Variants in COL24A1 observed in about 807,000 individuals in gnomAD.
COL24A1 encodes collagen alpha-1(XXIV) chain.
In COL24A1, 224 loss-of-function variants were observed where a neutral mutation model predicts 253.9. The observed-to-expected ratio is 0.88, with a 90% confidence interval of 0.79 to 0.99. The LOEUF (loss-of-function observed/expected upper bound fraction) is 0.99, where lower values mean the gene tolerates loss of function less well. COL24A1 is among the 50% of genes least tolerant of loss of function. The pLI, the probability that COL24A1 is intolerant of heterozygous loss-of-function variation, is 0.00. For missense variants in COL24A1, 2,131 were observed against 2,068.5 expected, an observed-to-expected ratio of 1.03 and a Z score of -0.59; for synonymous variants, 685 against 673.7, an observed-to-expected ratio of 1.02 and a Z score of -0.26.
chr1:85,835,938 C>T (rs1675953454), intron 43 of COL24A1, among the ~76,000 whole-genome samples: 2 of 152,172 alleles, frequency 1.3e-5, no homozygotes, highest in Non-Finnish European at 2.9e-5. Flanking sequence ...ACTTTCTTAC[C>T]TTCCTTTGAT....
chr1:86,147,700 A>G (rs1652094598), intron 1 of COL24A1, among the ~76,000 whole-genome samples: 1 of 152,270 alleles, frequency 6.6e-6, no homozygotes, highest in Non-Finnish European at 1.5e-5. Flanking sequence ...AGGTGATTCT[A>G]GTGCAGATTG....
intron 7 of COL24A1, among the ~76,000 whole-genome samples, chr1:86,085,291 T>C (rs972277773): frequency 6.6e-6 from 1 of 152,164 alleles, no homozygotes; most frequent in Non-Finnish European, 1.5e-5. Context: ...AAAGATTCTT[T>C]TAAAAAATAA....
At chr1:85,910,351 G>C (rs972262890) in intron 25 of COL24A1, among the ~76,000 whole-genome samples, 10 of 151,836 alleles carry the variant, frequency 6.6e-5, no homozygotes, top group Admixed American at 5.3e-4. Context: ...CAAAATATGA[G>C]AATAGTGAAA....
Position 86,125,121 on chromosome 1 carries a change from A to C in COL24A1, c.1215T>G (p.Ile405Met). ...CTGTGATAGCCTTCTTGAGATTAGT[A>C]ATTGTATCTTGTTTAATTTGTGGAA... The part of the protein sequence containing the change: ...SILPQIKQDT[I>M]TNLKKAITAN... The change falls in exon 3 of 60, where the codon ATT becomes ATG. Residue 405 changes from isoleucine to methionine, a missense_variant. Coordinates refer to ENST00000370571, the MANE Select transcript of COL24A1 (RefSeq NM_152890.7). 1 of 1,613,350 alleles carries C rather than the reference A, an allele frequency of 6.2e-7. No homozygotes were observed. The highest frequency in any genetic ancestry group is 1.7e-5 in the Admixed American group (1 of 59,842).
intron 13 of COL24A1, 55 bp from the exon 14 acceptor site, chr1:86,031,977 G>C: frequency 9.2e-6 from 13 of 1,408,734 alleles, no homozygotes; most frequent in Non-Finnish European, 1.2e-5. Flanking sequence ...ACTACTAAGG[G>C]TATTTCTGAA....
At chr1:86,127,594 T>C (rs1648509511) in intron 2 of COL24A1, among the ~76,000 whole-genome samples, 1 of 152,100 alleles carries the variant, frequency 6.6e-6, no homozygotes, top group Non-Finnish European at 1.5e-5. Flanking sequence ...TTTATTATTC[T>C]TTGGGTTATA....
At chr1:85,924,803 T>G (rs527403244) in intron 24 of COL24A1, among the ~76,000 whole-genome samples, 1 of 152,272 alleles carries the variant, frequency 6.6e-6, no homozygotes, top group Admixed American at 6.5e-5. Context: ...TTCAGCATAG[T>G]GTTGGAAGTT....
chr1:85,845,605 A>G (rs191025016), intron 39 of COL24A1, among the ~76,000 whole-genome samples: 22 of 151,972 alleles, frequency 1.4e-4, no homozygotes, highest in Admixed American at 1.4e-3. Context: ...AGGCAATATT[A>G]TTTACCTGAA....
At chr1:85,814,651 C>T (rs1672886115) in intron 47 of COL24A1, among the ~76,000 whole-genome samples, 1 of 152,104 alleles carries the variant, frequency 6.6e-6, no homozygotes, top group African/African-American at 2.4e-5. Context: ...GAAAATGGTC[C>T]ATAATTTTAT....
intron 58 of COL24A1, among the ~76,000 whole-genome samples, chr1:85,737,173 G>A (rs1228522310): frequency 6.6e-6 from 1 of 152,060 alleles, no homozygotes; most frequent in Non-Finnish European, 1.5e-5. Context: ...AGTAGGGTAA[G>A]GCAAACTAAG....
At chr1:85,814,306 A>T (rs1414811625) in intron 47 of COL24A1, among the ~76,000 whole-genome samples, 1 of 152,212 alleles carries the variant, frequency 6.6e-6, no homozygotes, top group Non-Finnish European at 1.5e-5. Flanking sequence ...CACACAGAAA[A>T]TAAAACTAGC....
intron 31 of COL24A1, among the ~76,000 whole-genome samples, chr1:85,894,326 G>T (rs112856945): frequency 0.045 from 6,844 of 152,172 alleles, 278 homozygotes; most frequent in African/African-American, 0.099. Context: ...GCCAGGTAAG[G>T]TTACAAACCA....
At chr1:85,856,129 T>A (rs535518112) in intron 37 of COL24A1, among the ~76,000 whole-genome samples, 6 of 152,340 alleles carry the variant, frequency 3.9e-5, no homozygotes, top group African/African-American at 1.4e-4. Flanking sequence ...TAAATCTTAT[T>A]TATTCTTTCA....
chr1:86,093,422 G>A (rs1161067181), intron 5 of COL24A1, among the ~76,000 whole-genome samples: 10 of 151,916 alleles, frequency 6.6e-5, no homozygotes, highest in Admixed American at 5.2e-4. Context: ...CAGGTTTTTC[G>A]AAGATCAGAT....
intron 57 of COL24A1, among the ~76,000 whole-genome samples, chr1:85,740,482 C>T (rs1367322665): frequency 1.3e-5 from 2 of 152,016 alleles, no homozygotes; most frequent in Admixed American, 6.5e-5. Flanking sequence ...AGGAATTTCT[C>T]TCTTGCTCTG....
intron 4 of COL24A1, among the ~76,000 whole-genome samples, chr1:86,113,837 C>CAAAAAAAAAAAAAAAAAAAAA (rs36014881): frequency 1.4e-5 from 1 of 72,404 alleles, no homozygotes; most frequent in Non-Finnish European, 2.3e-5. Flanking sequence ...TCCTGTCTCA[C>CAAAAAAAAAAAAAAAAAAAAA]AAAAAAAAAA....
chr1:85,826,734 G>A (rs868706293), intron 43 of COL24A1, among the ~76,000 whole-genome samples: 3,076 of 151,094 alleles, frequency 0.02, 109 homozygotes, highest in African/African-American at 0.071. Context: ...TTTGTCTGTT[G>A]TTGGTGTATA....
intron 24 of COL24A1, among the ~76,000 whole-genome samples, chr1:85,922,804 T>C (rs1365524991): frequency 6.6e-6 from 1 of 152,096 alleles, no homozygotes; most frequent in Non-Finnish European, 1.5e-5. Flanking sequence ...CAGGATCAAA[T>C]TCACACATAA....
chr1:85,958,992 GAAAC>G (rs1690757421), intron 24 of COL24A1, among the ~76,000 whole-genome samples: 1 of 152,048 alleles, frequency 6.6e-6, no homozygotes, highest in Non-Finnish European at 1.5e-5. Flanking sequence ...TATAAATCTA[GAAAC>G]AAACAAACCT....
Sources: allele counts gnomAD v4.1 joint callset (sites outside exome capture counted in the v4.1 genomes callset), GRCh38; gene constraint gnomAD v4.1.1; transcripts MANE v1.5; gene names NCBI Gene and HGNC (gene_info 2026-07-23, HGNC 2026-07-21).